Variants in RNF220 observed in about 807,000 individuals in gnomAD.
The protein encoded by RNF220 is E3 ubiquitin-protein ligase RNF220.
In RNF220, 7 loss-of-function variants were observed where a neutral mutation model predicts 67.1. The observed-to-expected ratio is 0.10, with a 90% CI of 0.06 to 0.20. The LOEUF (loss-of-function observed/expected upper bound fraction) is 0.20. Ranked by LOEUF, RNF220 falls within the 10% of genes least tolerant of loss-of-function variation. The pLI is 1.00. For synonymous variants in RNF220, 270 were observed against 283.2 expected (o/e 0.95, Z 0.47); for missense variants, 565 against 740.3 (o/e 0.76, Z 2.75).
At chr1:44,462,179 C>T (rs926571083) in intron 2 of RNF220, among the ~76,000 whole-genome samples, 6 of 151,824 alleles carry the variant, frequency 4.0e-5, no homozygotes, top group Non-Finnish European at 7.4e-5. Flanking sequence ...GTGATCCGCC[C>T]GCCTCGGCCT....
At chr1:44,534,159 G>A (rs756618258) in intron 2 of RNF220, among the ~76,000 whole-genome samples, 19 of 152,078 alleles carry the variant, frequency 1.2e-4, no homozygotes, top group South Asian at 4.2e-4. Context: ...TACTTTTTGT[G>A]CATGGAGGTT....
intron 2 of RNF220, among the ~76,000 whole-genome samples, chr1:44,613,669 G>C (rs1168163153): frequency 2.0e-5 from 3 of 152,168 alleles, no homozygotes; most frequent in Non-Finnish European, 4.4e-5. Flanking sequence ...TTGAGGCCAG[G>C]AGTTTGAGAC....
At chr1:44,574,957 A>G (rs879752617) in intron 2 of RNF220, among the ~76,000 whole-genome samples, 5 of 152,132 alleles carry the variant, frequency 3.3e-5, no homozygotes, top group Non-Finnish European at 5.9e-5. Context: ...GCAATTACCA[A>G]ATCAGGGTAT....
At chr1:44,447,174 G>A (rs1389544826) in intron 2 of RNF220, among the ~76,000 whole-genome samples, 4 of 152,264 alleles carry the variant, frequency 2.6e-5, no homozygotes, top group Middle Eastern at 3.4e-3. Context: ...TGTTGAGAAC[G>A]ATATGTACAG....
chr1:44,535,638 T>C (rs994212246), intron 2 of RNF220, among the ~76,000 whole-genome samples: 19 of 152,218 alleles, frequency 1.2e-4, no homozygotes, highest in African/African-American at 4.6e-4. Context: ...AGTTAATGTG[T>C]ATTTCCTAAT....
chr1:44,529,882 C>T (rs900800372), intron 2 of RNF220, among the ~76,000 whole-genome samples: 2 of 148,742 alleles, frequency 1.3e-5, no homozygotes, highest in Non-Finnish European at 3.0e-5. Flanking sequence ...AAAACCCCAT[C>T]TCTACTAAAA....
rs566924217 is a variant in RNF220 at position 44,479,495 on chromosome 1, A to G, written c.625+66773A>G. On this transcript the variant is annotated intron_variant, in intron 2 of 14. Coordinates refer to ENST00000361799, the MANE Select transcript of RNF220 (RefSeq NM_018150.4). The stretch of plus-strand genomic sequence containing the variant: ...ACACCCACAATTTTTACAAGACAGA[A>G]TCTACCGAGACTTAAGTACTGGGAA... 4.7e-4 allele frequency among the ~76,000 whole-genome samples: 72 copies of G among 152,202 alleles called. 1 individual carries two copies. The South Asian group carries it at 0.013, about 29-fold the overall frequency.
chr1:44,538,914 T>TCTAAATA (rs1661450138), intron 2 of RNF220, among the ~76,000 whole-genome samples: 2 of 94,008 alleles, frequency 2.1e-5, no homozygotes, highest in Non-Finnish European at 1.9e-5. Flanking sequence ...AGACTCCATC[T>TCTAAATA]AGGGAAAAAA....
intron 2 of RNF220, among the ~76,000 whole-genome samples, chr1:44,601,330 G>A (rs760750926): frequency 2.8e-4 from 43 of 152,212 alleles, no homozygotes; most frequent in Non-Finnish European, 2.4e-4. Context: ...TAGGTGAGAA[G>A]AGAAGGAGAA....
intron 2 of RNF220, among the ~76,000 whole-genome samples, chr1:44,592,156 C>T (rs1666162059): frequency 6.6e-6 from 1 of 152,288 alleles, no homozygotes; most frequent in South Asian, 2.1e-4. Flanking sequence ...AGAGAGAGGG[C>T]GAGGGAAGGC....
At chr1:44,637,559 C>T (rs114990164) in intron 8 of RNF220, among the ~76,000 whole-genome samples, 58 of 152,364 alleles carry the variant, frequency 3.8e-4, no homozygotes, top group Admixed American at 1.2e-3. Flanking sequence ...ATTGCTGTGG[C>T]ACCTTCTTAG....
chr1:44,433,145 G>A (rs1650586857), intron 2 of RNF220, among the ~76,000 whole-genome samples: 1 of 152,014 alleles, frequency 6.6e-6, no homozygotes, highest in Admixed American at 6.6e-5. Flanking sequence ...GGCCAGGCTG[G>A]TCTCGAACTC....
At chr1:44,453,993 T>C (rs75251846) in intron 2 of RNF220, among the ~76,000 whole-genome samples, 1,802 of 152,298 alleles carry the variant, frequency 0.012, 28 homozygotes, top group African/African-American at 0.04. Flanking sequence ...TGGCATTCCA[T>C]TAGCCTCTGG....
At chr1:44,572,404 G>T (rs1664503435) in intron 2 of RNF220, among the ~76,000 whole-genome samples, 1 of 152,174 alleles carries the variant, frequency 6.6e-6, no homozygotes, top group East Asian at 1.9e-4. Context: ...TTGAAACCCA[G>T]CCTCGATGGC....
chr1:44,550,862 C>T (rs270701), intron 2 of RNF220, among the ~76,000 whole-genome samples: 151,058 of 152,230 alleles, frequency 0.99, 74,953 homozygotes, highest in Middle Eastern at 1. Flanking sequence ...CCAGGTTGGA[C>T]CCCCTGTTCA....
chr1:44,503,511 C>G (rs146590451), intron 2 of RNF220, among the ~76,000 whole-genome samples: 1 of 152,060 alleles, frequency 6.6e-6, no homozygotes, highest in Non-Finnish European at 1.5e-5. Context: ...CCACACTGCC[C>G]TCATCCAATA....
intron 2 of RNF220, among the ~76,000 whole-genome samples, chr1:44,538,189 C>T (rs7532058): frequency 0.052 from 7,842 of 152,258 alleles, 390 homozygotes; most frequent in East Asian, 0.26. Context: ...TCATATGTCA[C>T]TGGAGACCTT....
chr1:44,533,927 C>G (rs1286851264), intron 2 of RNF220, among the ~76,000 whole-genome samples: 1 of 152,156 alleles, frequency 6.6e-6, no homozygotes, highest in Non-Finnish European at 1.5e-5. Flanking sequence ...GAGATGAGCC[C>G]GAAGAAGGAG....
intron 2 of RNF220, among the ~76,000 whole-genome samples, chr1:44,432,784 C>G (rs902037009): frequency 3.3e-5 from 5 of 151,860 alleles, no homozygotes; most frequent in African/African-American, 1.2e-4. Flanking sequence ...CAATTTTAAA[C>G]AATGTCACTT....
Sources: gnomAD v4.1 joint callset for allele counts (sites outside exome capture counted in the v4.1 genomes callset) on GRCh38, gnomAD v4.1.1 for gene constraint, MANE v1.5 for transcripts, NCBI Gene and HGNC (gene_info 2026-07-23, HGNC 2026-07-21) for gene names.